DOCK2: variants seen among roughly 807,000 people sequenced by gnomAD.
The protein encoded by DOCK2 is dedicator of cytokinesis protein 2.
DOCK2 carries 87 observed loss-of-function variants against 248.9 expected under a neutral mutation model. The observed-to-expected ratio is 0.35, with a 90% confidence interval of 0.29 to 0.42. DOCK2 has a LOEUF of 0.42. DOCK2 is among the 10% of genes least tolerant of loss of function. The probability of loss-of-function intolerance (pLI) is 1.00; values close to 1 mark genes in which losing one functional copy is unlikely to be tolerated. For missense variants in DOCK2, 1,747 were observed against 2,300.2 expected (o/e 0.76, Z 4.92); for synonymous variants, 805 against 821.6 (o/e 0.98, Z 0.35).
At position 170,078,789 on chromosome 5, in the gene DOCK2, C is replaced by T. The variant is rs916317997; in HGVS notation, c.4995-186C>T. On this transcript the variant is annotated intron_variant, in intron 48 of 51. Coordinates refer to ENST00000520908, the MANE Select transcript of DOCK2 (RefSeq NM_004946.3). ...AAAATAAAGTGAACTTTACTCATCA[C>T]ATTTAACTGTTTGTGCATTGAGCAA... 2.0e-5 allele frequency among the ~76,000 whole-genome samples: 3 copies of T among 152,218 alleles called. No individual in the cohort carries two copies. In the East Asian group the frequency reaches 5.8e-4, roughly 29 times the overall value.
chr5:169,669,921 T>C (rs376227352), intron 3 of DOCK2, among the ~76,000 whole-genome samples: 1 of 152,224 alleles, frequency 6.6e-6, no homozygotes, highest in Non-Finnish European at 1.5e-5. Context: ...CTGAGCCAAA[T>C]GTATGGAGTA....
In DOCK2 at chr5:170,075,982, G is replaced by T; in HGVS notation, c.4764G>T (p.Glu1588Asp). The T allele has an allele frequency of 6.2e-7, 1 of 1,614,204 alleles. No homozygotes were observed. The highest frequency in any genetic ancestry group is 8.5e-7 in the Non-Finnish European group (1 of 1,180,030). ...PFLGAGIKIH[E>D]KRVSDNLRPF... Reference sequence around the variant, plus strand: ...TGGGAGCTGGGATTAAGATCCATGAGAAAAGGGTGTCAGATAACTTGCGAC... The same window carrying T: ...TGGGAGCTGGGATTAAGATCCATGATAAAAGGGTGTCAGATAACTTGCGAC... Residue 1588 changes from glutamate to aspartate, a missense_variant, in exon 47 of 52, where the codon GAG becomes GAT. Glu to Asp is a conservative substitution (Grantham distance 45, BLOSUM62 2). Around this residue, in one of 4 missense-constraint regions of DOCK2, gnomAD observed 513 missense variants for 586.1 expected, o/e 0.88. Transcript: ENST00000520908.
chr5:169,716,491 G>A (rs1761921613), intron 20 of DOCK2, among the ~76,000 whole-genome samples, 189 bp downstream of exon 20: 1 of 152,192 alleles, frequency 6.6e-6, no homozygotes, highest in African/African-American at 2.4e-5. Flanking sequence ...CAGTTCATTT[G>A]AAAGCATGAG....
intron 30 of DOCK2, among the ~76,000 whole-genome samples, chr5:170,004,678 C>A (rs1448802600): frequency 1.4e-5 from 2 of 146,520 alleles, no homozygotes; most frequent in African/African-American, 5.1e-5. Flanking sequence ...AAATGTCCAA[C>A]AATGATAGAC....
At chr5:169,871,966 T>C (rs1278426319) in intron 27 of DOCK2, among the ~76,000 whole-genome samples, 1 of 152,246 alleles carries the variant, frequency 6.6e-6, no homozygotes, top group Non-Finnish European at 1.5e-5. Flanking sequence ...TATAGCCTGC[T>C]GATGTCTCCA....
chr5:169,942,174 A>G (rs1195686868), intron 27 of DOCK2, among the ~76,000 whole-genome samples: 1 of 152,196 alleles, frequency 6.6e-6, no homozygotes, highest in African/African-American at 2.4e-5. Context: ...TCTGTAGCAT[A>G]TCTTATTTAT....
At chr5:169,821,165 A>G (rs200694983) in intron 26 of DOCK2, among the ~76,000 whole-genome samples, 42,325 of 151,820 alleles carry the variant, frequency 0.28, 7,585 homozygotes, top group African/African-American at 0.52. Flanking sequence ...AAAGTGACGT[A>G]GAGAATGAAA....
chr5:170,052,900 G>T (rs1282111132), intron 41 of DOCK2, among the ~76,000 whole-genome samples: 4 of 152,278 alleles, frequency 2.6e-5, no homozygotes, highest in Non-Finnish European at 4.4e-5. Context: ...GATGGAGCTT[G>T]GATTTGAACT....
At chr5:169,686,408 A>G (rs1759985509) in intron 8 of DOCK2, among the ~76,000 whole-genome samples, 1 of 152,160 alleles carries the variant, frequency 6.6e-6, no homozygotes, top group Admixed American at 6.5e-5. Flanking sequence ...GGCCATGCTC[A>G]ATGGGGTGTG....
At chr5:169,918,683 C>T (rs551834583) in intron 27 of DOCK2, among the ~76,000 whole-genome samples, 3 of 152,236 alleles carry the variant, frequency 2.0e-5, no homozygotes, top group East Asian at 1.9e-4. Context: ...GAGGCCGAGG[C>T]GAGAGGATCA....
At chr5:169,909,322 A>G (rs1037673799) in intron 27 of DOCK2, among the ~76,000 whole-genome samples, 9 of 152,214 alleles carry the variant, frequency 5.9e-5, no homozygotes, top group Non-Finnish European at 1.2e-4. Flanking sequence ...AACAGTATAG[A>G]ACATTTCTTT....
At chr5:169,676,871 C>T (rs1328928413) in intron 6 of DOCK2, among the ~76,000 whole-genome samples, 1 of 152,178 alleles carries the variant, frequency 6.6e-6, no homozygotes, top group East Asian at 1.9e-4. Flanking sequence ...ATACACAATA[C>T]AGTCTCTGTT....
chr5:169,867,431 GTCTGTCTA>G (rs1399532023), intron 27 of DOCK2, among the ~76,000 whole-genome samples: 126 of 131,648 alleles, frequency 9.6e-4, no homozygotes, highest in East Asian at 2.9e-3. Flanking sequence ...CTGTCTGTCT[GTCTGTCTA>G]TCTATCTATC....
chr5:169,716,648 T>C (rs1043589780), intron 20 of DOCK2, among the ~76,000 whole-genome samples: 11 of 152,212 alleles, frequency 7.2e-5, no homozygotes, highest in African/African-American at 2.7e-4. Context: ...GCACCAAAAA[T>C]GTTTCTTAGC....
At chr5:169,953,831 C>T (rs1203841319) in intron 27 of DOCK2, among the ~76,000 whole-genome samples, 2 of 152,186 alleles carry the variant, frequency 1.3e-5, no homozygotes, top group Non-Finnish European at 2.9e-5. Flanking sequence ...TGAGCCCTGG[C>T]ACCATTGGTT....
Position 170,028,014 on chromosome 5 carries a change from C to A in DOCK2, c.3467+66C>A, listed in dbSNP as rs545581330. On this transcript the variant is annotated intron_variant, in intron 34 of 51. Transcript: ENST00000520908. ...TCAGGTGAGGCGGGAGGGCTCAGAA[C>A]TCCAGGGGGCTCCGAGTGGCTCTGT... The A allele has an allele frequency of 1.9e-5, 27 of 1,438,336 alleles. No homozygotes were observed. The South Asian group carries it at 3.7e-4, about 20-fold the overall frequency. 89.1% of individuals were successfully genotyped at this position (1,438,336 alleles called of 1,614,324 possible).
chr5:169,653,043 A>T (rs1296602505), intron 1 of DOCK2, among the ~76,000 whole-genome samples: 1 of 152,214 alleles, frequency 6.6e-6, no homozygotes, highest in East Asian at 1.9e-4. Context: ...GCATTGTATG[A>T]CCTTGGGCAA....
At chr5:169,946,144 A>G (rs1289727137) in intron 27 of DOCK2, among the ~76,000 whole-genome samples, 1 of 152,194 alleles carries the variant, frequency 6.6e-6, no homozygotes, top group Non-Finnish European at 1.5e-5. Flanking sequence ...GGAGTGATCT[A>G]ACAGTCTCCC....
At chr5:169,912,102 C>T (rs1042259530) in intron 27 of DOCK2, among the ~76,000 whole-genome samples, 1 of 152,182 alleles carries the variant, frequency 6.6e-6, no homozygotes, top group African/African-American at 2.4e-5. Context: ...ATCCACTGAG[C>T]CACTCTTGGT....
Sources: allele counts gnomAD v4.1 joint callset (sites outside exome capture counted in the v4.1 genomes callset), GRCh38; gene constraint gnomAD v4.1.1; regional missense constraint gnomAD v4.1.1; transcripts MANE v1.5; gene names NCBI Gene and HGNC (gene_info 2026-07-23, HGNC 2026-07-21).